Variants in ZBTB7C observed in about 807,000 individuals in gnomAD.
The protein encoded by ZBTB7C is zinc finger and BTB domain containing 7C.
In ZBTB7C, 8 loss-of-function variants were observed where a neutral mutation model predicts 25.7. The ratio of observed to expected loss-of-function variants is 0.31; its 90% CI spans 0.18 to 0.56. The LOEUF is 0.56. Among genes scored for constraint, ZBTB7C ranks in the 20% least tolerant of loss-of-function variants. The pLI is 0.91. For synonymous variants in ZBTB7C, 394 were observed against 369.0 expected (o/e 1.07, Z -0.78); for missense variants, 824 against 855.2 (o/e 0.96, Z 0.46).
intron 1 of ZBTB7C, among the ~76,000 whole-genome samples, chr18:48,361,773 G>T (rs897137307): frequency 6.6e-6 from 1 of 152,216 alleles, no homozygotes; most frequent in Non-Finnish European, 1.5e-5. Context: ...AGGGCATTCG[G>T]CTGCTCAGAG....
intron 2 of ZBTB7C, among the ~76,000 whole-genome samples, chr18:48,200,019 T>C (rs1360565738): frequency 8.0e-6 from 1 of 124,808 alleles, no homozygotes; most frequent in Non-Finnish European, 1.8e-5. Flanking sequence ...TGTGTGTGTG[T>C]GTAATTTTTT....
At chr18:48,249,698 G>A (rs981810209) in intron 2 of ZBTB7C, among the ~76,000 whole-genome samples, 1 of 152,088 alleles carries the variant, frequency 6.6e-6, no homozygotes, top group South Asian at 2.1e-4. Flanking sequence ...ATTCTGAAAG[G>A]CTCTTCCTGT....
intron 3 of ZBTB7C, among the ~76,000 whole-genome samples, chr18:48,184,559 T>A (rs1019824171): frequency 2.6e-5 from 4 of 152,092 alleles, no homozygotes; most frequent in Admixed American, 6.6e-5. Context: ...GCTGTTGTTA[T>A]GGAGATTTAT....
chr18:48,397,444 G>A (rs567396087), intron 1 of ZBTB7C, among the ~76,000 whole-genome samples: 2 of 152,240 alleles, frequency 1.3e-5, no homozygotes, highest in South Asian at 4.2e-4. Context: ...GAGAGAATTT[G>A]GGCTCTGGAA....
chr18:48,293,356 A>G (rs1012429958), intron 2 of ZBTB7C, among the ~76,000 whole-genome samples: 2 of 152,174 alleles, frequency 1.3e-5, no homozygotes, highest in Admixed American at 1.3e-4. Context: ...ATCTGACTCT[A>G]TTCACCTCTC....
intron 2 of ZBTB7C, among the ~76,000 whole-genome samples, chr18:48,235,533 A>G (rs1288622003): frequency 6.6e-6 from 1 of 152,056 alleles, no homozygotes; most frequent in Non-Finnish European, 1.5e-5. Context: ...ACATTTGTTT[A>G]TATTTACCCA....
At chr18:48,154,975 T>TG (rs2144911776) in intron 3 of ZBTB7C, among the ~76,000 whole-genome samples, 1 of 152,348 alleles carries the variant, frequency 6.6e-6, no homozygotes, top group East Asian at 1.9e-4. Context: ...CCTCACCCAG[T>TG]GCTGCCTCCT....
chr18:48,303,286 G>A (rs561503939), intron 2 of ZBTB7C, among the ~76,000 whole-genome samples: 1 of 152,356 alleles, frequency 6.6e-6, no homozygotes, highest in Admixed American at 6.5e-5. Context: ...AGCCAAAGCA[G>A]GCAGTGATCC....
intron 3 of ZBTB7C, among the ~76,000 whole-genome samples, chr18:48,142,943 C>T (rs1450880788): frequency 6.8e-6 from 1 of 147,252 alleles, no homozygotes; most frequent in African/African-American, 2.7e-5. Flanking sequence ...CACACCACTC[C>T]AGGCTTTGGC....
At chr18:48,100,862 G>C (rs575560943) in intron 3 of ZBTB7C, among the ~76,000 whole-genome samples, 108 of 152,228 alleles carry the variant, frequency 7.1e-4, no homozygotes, top group African/African-American at 2.4e-3. Flanking sequence ...GAGCCTCTCT[G>C]GGAACCTAAG....
At chr18:48,037,974 T>G (rs2036048767) in intron 4 of ZBTB7C, among the ~76,000 whole-genome samples, 1 of 152,346 alleles carries the variant, frequency 6.6e-6, no homozygotes, top group Non-Finnish European at 1.5e-5. Context: ...CACGGTGCTC[T>G]GGCTTATCTC....
At chr18:48,089,528 T>C (rs1056932902) in intron 3 of ZBTB7C, among the ~76,000 whole-genome samples, 6 of 150,608 alleles carry the variant, frequency 4.0e-5, no homozygotes, top group Non-Finnish European at 7.4e-5. Context: ...GGGCCCTAGA[T>C]TTCCAGTTGC....
At chr18:48,113,342 C>G (rs2039313118) in intron 3 of ZBTB7C, among the ~76,000 whole-genome samples, 1 of 152,116 alleles carries the variant, frequency 6.6e-6, no homozygotes, top group Non-Finnish European at 1.5e-5. Flanking sequence ...ACCCCCATCA[C>G]AAGGAAAAAC....
intron 3 of ZBTB7C, among the ~76,000 whole-genome samples, chr18:48,167,265 G>C (rs1162298141): frequency 6.6e-6 from 1 of 152,128 alleles, no homozygotes; most frequent in African/African-American, 2.4e-5. Flanking sequence ...CCCTCCCACA[G>C]GCCCCAGCCT....
At chr18:48,189,660 C>A (rs533411684) in intron 2 of ZBTB7C, among the ~76,000 whole-genome samples, 1 of 152,188 alleles carries the variant, frequency 6.6e-6, no homozygotes, top group Admixed American at 6.5e-5. Context: ...TGGATAGATA[C>A]GGCATAAGTT....
intron 1 of ZBTB7C, among the ~76,000 whole-genome samples, chr18:48,378,322 A>C (rs908922842): frequency 6.6e-6 from 1 of 152,184 alleles, no homozygotes; most frequent in African/African-American, 2.4e-5. Context: ...CACTGAAAAC[A>C]GGGGGATTAA....
At chr18:48,300,545 C>A (rs537846117) in intron 2 of ZBTB7C, among the ~76,000 whole-genome samples, 1 of 151,428 alleles carries the variant, frequency 6.6e-6, no homozygotes, top group South Asian at 2.2e-4. Context: ...CGTTTTTTTA[C>A]TCTTGCTACA....
rs1598816836 is a variant in ZBTB7C at position 48,068,290 on chromosome 18, C to T, written c.-16-27167G>A. Among the ~76,000 whole-genome samples the T allele has an allele frequency of 4.6e-5, 7 of 151,984 alleles. 1 individual carries two copies. The highest frequency in any genetic ancestry group is 4.6e-4 in the Admixed American group (7 of 15,294). The stretch of plus-strand genomic sequence containing the variant: ...AGTAGCTGGGACTACTCGGTGCCTG[C>T]CACCACGCCTGGCTAATTTTTGGTA... On this transcript the variant is annotated intron_variant, in intron 3 of 4. Transcript: ENST00000590800.
At chr18:48,188,398 C>A (rs1456386559) in intron 2 of ZBTB7C, among the ~76,000 whole-genome samples, 1 of 152,212 alleles carries the variant, frequency 6.6e-6, no homozygotes. Context: ...GGAAAAGCCC[C>A]TTATAAAACC....
Sources: gnomAD v4.1 joint callset for allele counts (sites outside exome capture counted in the v4.1 genomes callset) on GRCh38, gnomAD v4.1.1 for gene constraint, MANE v1.5 for transcripts, NCBI Gene and HGNC (gene_info 2026-07-23, HGNC 2026-07-21) for gene names.